TESK2: variants seen among roughly 807,000 people sequenced by gnomAD.
The protein encoded by TESK2 is testis associated actin remodelling kinase 2, also known as dual specificity testis-specific protein kinase 2.
A neutral mutation model predicts 57.1 loss-of-function variants in TESK2; 39 were observed. The ratio of observed to expected loss-of-function variants is 0.68; its 90% confidence interval spans 0.53 to 0.89. The LOEUF (loss-of-function observed/expected upper bound fraction) is 0.89, where lower values mean the gene tolerates loss of function less well. Ranked by LOEUF, TESK2 falls within the 40% of genes least tolerant of loss-of-function variation. The pLI is 0.00. For missense variants in TESK2, 646 were observed against 732.1 expected (o/e 0.88, Z 1.36); for synonymous variants, 249 against 267.9 (o/e 0.93, Z 0.69).
At position 45,457,733 on chromosome 1, in the gene TESK2, C is replaced by T. The variant is rs149714069; in HGVS notation, c.53G>A (p.Arg18His). Residue 18 changes from arginine to histidine, a missense_variant, in exon 2 of 11, where the codon CGT becomes CAT. Physicochemically the swap from Arg to His is conservative, Grantham distance 29. Transcript: ENST00000372086. ...ACCACCTCCTTCAAACTCTTCAAGACGCTCCACACGTGGAGGAAATCCTGC... is the reference window on the plus strand; with the variant it reads ...ACCACCTCCTTCAAACTCTTCAAGATGCTCCACACGTGGAGGAAATCCTGC... ...SIAGFPPRVE[R>H]LEEFEGGGGG... 2.5e-3 allele frequency: 3,996 copies of T among 1,614,158 alleles called. 48 individuals are homozygous for T. Among genetic ancestry groups the T allele is most frequent in the South Asian group, 0.021 (1,902 of 91,090 alleles).
chr1:45,462,497 C>T (rs1188813583), intron 1 of TESK2, among the ~76,000 whole-genome samples: 1 of 152,200 alleles, frequency 6.6e-6, no homozygotes, highest in African/African-American at 2.4e-5. Context: ...TGGTCTCGAT[C>T]TCCTGACATT....
intron 2 of TESK2, among the ~76,000 whole-genome samples, chr1:45,436,799 C>CTCT (rs1553153970): frequency 8.1e-6 from 1 of 123,120 alleles, no homozygotes; most frequent in Admixed American, 8.3e-5. Flanking sequence ...ACATTAGTAT[C>CTCT]TTTTTTTTTT....
rs1292097630 is a variant in TESK2, at chr1:45,419,802, G to A, written c.344+1923C>T. Among the ~76,000 whole-genome samples, 5 of 151,678 alleles carry A rather than the reference G, an allele frequency of 3.3e-5. No individual in the cohort carries two copies. The East Asian group carries it at 5.8e-4, about 18-fold the overall frequency. ...GCCTGGGCGACAAGAGTGAAACTCC[G>A]TCTCAAAAAAAAAGTGTTAATTTGA... is the stretch of plus-strand genomic sequence containing the variant. On this transcript the variant is annotated intron_variant, in intron 3 of 10. Coordinates refer to ENST00000372086, the MANE Select transcript of TESK2 (RefSeq NM_007170.3).
chr1:45,359,847 G>A (rs1446521728), intron 4 of TESK2, among the ~76,000 whole-genome samples: 2 of 152,154 alleles, frequency 1.3e-5, no homozygotes, highest in Non-Finnish European at 2.9e-5. Context: ...CTGGGCAACA[G>A]GGTGAGACTC....
chr1:45,401,661 T>C (rs1649600158), intron 3 of TESK2, among the ~76,000 whole-genome samples: 1 of 152,104 alleles, frequency 6.6e-6, no homozygotes, highest in South Asian at 2.1e-4. Context: ...GTTTGGAGTA[T>C]TTAAATGACT....
At chr1:45,392,028 T>C (rs1017311076) in intron 3 of TESK2, among the ~76,000 whole-genome samples, 1 of 152,248 alleles carries the variant, frequency 6.6e-6, no homozygotes, top group Non-Finnish European at 1.5e-5. Context: ...ATGTTAGCTA[T>C]TCTTGCTAAT....
intron 1 of TESK2, among the ~76,000 whole-genome samples, chr1:45,461,379 C>T (rs529860644): frequency 5.3e-5 from 8 of 152,096 alleles, no homozygotes; most frequent in African/African-American, 1.9e-4. Flanking sequence ...AAAAACCCAG[C>T]AAGGTAGGTC....
chr1:45,484,749 G>A (rs969100452), intron 1 of TESK2, among the ~76,000 whole-genome samples: 1 of 124,998 alleles, frequency 8.0e-6, no homozygotes, highest in African/African-American at 3.0e-5. Flanking sequence ...AAAAAATAAA[G>A]GGCCGGGCGC....
intron 1 of TESK2, among the ~76,000 whole-genome samples, chr1:45,478,861 T>G (rs1287661340): frequency 6.6e-6 from 1 of 151,898 alleles, no homozygotes; most frequent in African/African-American, 2.4e-5. Context: ...GTAGCTAGGA[T>G]TACAGATGCA....
At chr1:45,394,099 T>G (rs1270109717) in intron 3 of TESK2, among the ~76,000 whole-genome samples, 1 of 152,128 alleles carries the variant, frequency 6.6e-6, no homozygotes. Flanking sequence ...TCAACTTTGT[T>G]ATTTTTAGTT....
At chr1:45,362,330 CACATAAACATAT>C (rs1647722567) in intron 4 of TESK2, among the ~76,000 whole-genome samples, 1 of 152,172 alleles carries the variant, frequency 6.6e-6, no homozygotes, top group Admixed American at 6.5e-5. Context: ...CACAGACAAG[CACATAAACATAT>C]CCATACAGAG....
chr1:45,474,538 T>G (rs1652906326), intron 1 of TESK2, among the ~76,000 whole-genome samples: 2 of 152,178 alleles, frequency 1.3e-5, no homozygotes, highest in Admixed American at 6.5e-5. Context: ...AATGGTATGA[T>G]CTCAGCTCAG....
intron 1 of TESK2, among the ~76,000 whole-genome samples, chr1:45,461,566 A>C (rs1652334097): frequency 6.6e-6 from 1 of 152,226 alleles, no homozygotes; most frequent in African/African-American, 2.4e-5. Flanking sequence ...CTGTAGAAAG[A>C]ACAGAGACTT....
rs549815890 is a variant in TESK2, at chr1:45,354,223, G to A, written c.540+1080C>T. On this transcript the variant is annotated intron_variant, in intron 5 of 10. Transcript: ENST00000372086. The stretch of plus-strand genomic sequence containing the variant: ...AAGATGTATGAGTTGGCTGGGCACA[G>A]TGCATGCCTGTAATCCCAGCACCTT... Among the ~76,000 whole-genome samples the A allele has an allele frequency of 2.6e-5, 4 of 152,326 alleles. No individual in the cohort carries two copies. In the East Asian group the frequency reaches 7.7e-4, roughly 29 times the overall value.
chr1:45,389,532 G>C (rs1029704246), intron 3 of TESK2, among the ~76,000 whole-genome samples: 1 of 152,164 alleles, frequency 6.6e-6, no homozygotes, highest in African/African-American at 2.4e-5. Context: ...ACTCTCACCA[G>C]ATGTGGCCTC....
chr1:45,348,066 C>T (rs1647171784), intron 5 of TESK2, 66 bp from the exon 6 acceptor site: 2 of 1,074,604 alleles, frequency 1.9e-6, no homozygotes, highest in Non-Finnish European at 2.9e-6. Context: ...ATAGAGTTAC[C>T]ACCCATTCCC....
At chr1:45,431,421 GA>G (rs368967097) in intron 2 of TESK2, among the ~76,000 whole-genome samples, 63 of 142,742 alleles carry the variant, frequency 4.4e-4, no homozygotes, top group East Asian at 1.0e-3. Flanking sequence ...CTATCTAAAA[GA>G]AAAAAAAAAA....
At chr1:45,376,950 T>C (rs573932852) in intron 4 of TESK2, among the ~76,000 whole-genome samples, 13 of 152,318 alleles carry the variant, frequency 8.5e-5, no homozygotes, top group Admixed American at 8.5e-4. Flanking sequence ...TCAGGTGTGA[T>C]AGCTCACACC....
chr1:45,415,881 A>C (rs539650137), intron 3 of TESK2, among the ~76,000 whole-genome samples: 2 of 152,252 alleles, frequency 1.3e-5, no homozygotes, highest in East Asian at 3.9e-4. Flanking sequence ...TGTAGCCCAG[A>C]ATGGCTTTCA....
Sources: allele counts gnomAD v4.1 joint callset (sites outside exome capture counted in the v4.1 genomes callset), GRCh38; gene constraint gnomAD v4.1.1; transcripts MANE v1.5; gene names NCBI Gene and HGNC (gene_info 2026-07-23, HGNC 2026-07-21).